Variants in GRAMD4 observed in about 807,000 individuals in gnomAD.
GRAMD4 encodes the protein GRAM domain-containing protein 4.
Under a neutral mutation model 83.9 loss-of-function variants are expected in GRAMD4, and 25 were observed. The ratio of observed to expected loss-of-function variants is 0.30; its 90% confidence interval spans 0.22 to 0.42. The LOEUF (loss-of-function observed/expected upper bound fraction) is 0.42, where lower values mean the gene tolerates loss of function less well. Among genes scored for constraint, GRAMD4 ranks in the 10% least tolerant of loss-of-function variants. The probability of loss-of-function intolerance (pLI) is 1.00; values close to 1 mark genes in which losing one functional copy is unlikely to be tolerated. For synonymous variants in GRAMD4, 336 were observed against 320.9 expected (o/e 1.05, Z -0.50); for missense variants, 593 against 788.7 (o/e 0.75, Z 2.97).
chr22:46,666,884 G>A lies in GRAMD4; in HGVS notation c.858+11G>A. 6.4e-7 allele frequency: 1 copy of A among 1,574,184 alleles called. No individual in the cohort carries two copies. On this transcript the variant is annotated intron_variant, in intron 10 of 18. Coordinates refer to ENST00000406902, the MANE Select transcript of GRAMD4 (RefSeq NM_015124.5). The stretch of plus-strand genomic sequence containing the variant: ...GTGTCTGAGCCCGTGGTAAGTCCCT[G>A]GAGGGTGCACGGTCTCCTCCGACTG...
At chr22:46,668,041 G>C in intron 10 of GRAMD4, 55 bp from the exon 11 acceptor site, 1 of 1,310,826 alleles carries the variant, frequency 7.6e-7, no homozygotes, top group Non-Finnish European at 1.1e-6. Context: ...TTTGTCAGTG[G>C]TTTTTCTGAA....
intron 3 of GRAMD4, among the ~76,000 whole-genome samples, chr22:46,656,477 T>C (rs2082246857): frequency 6.6e-6 from 1 of 152,170 alleles, no homozygotes; most frequent in Non-Finnish European, 1.5e-5. Context: ...CTCCTGGACA[T>C]TGGCTGGGAC....
chr22:46,637,767 C>T, intron 2 of GRAMD4, 73 bp from the exon 3 acceptor site: 2 of 1,562,998 alleles, frequency 1.3e-6, no homozygotes, highest in Admixed American at 1.9e-5. Flanking sequence ...CTGGGCACCT[C>T]TGGGGGAACT....
upstream of GRAMD4, among the ~76,000 whole-genome samples, chr22:46,616,623 G>C (rs2081500292): frequency 8.2e-6 from 1 of 121,806 alleles, no homozygotes; most frequent in African/African-American, 3.3e-5. Context: ...TGTGTGTGTA[G>C]GTTCCCCTGT....
intron 1 of GRAMD4, among the ~76,000 whole-genome samples, chr22:46,594,677 G>C (rs1399387095): frequency 1.3e-5 from 2 of 152,042 alleles, no homozygotes; most frequent in African/African-American, 2.4e-5. Flanking sequence ...CCTGGCATCT[G>C]TCCTGCCCTG....
intron 18 of GRAMD4, 146 bp from the exon 19 acceptor site, chr22:46,677,001 G>A (rs1012069816): frequency 1.6e-5 from 14 of 883,628 alleles, no homozygotes; most frequent in Admixed American, 5.1e-5. Flanking sequence ...GCCTGGCTCC[G>A]GGTGGTGGGG....
In GRAMD4 at chr22:46,622,077, C is replaced by T. The variant is rs907052552; in HGVS notation, c.-50+1512C>T. ...AGACTGAGGAGTAGCTGGACACTGG[C>T]GGGGCACGCATTGCATTCTGATGGT... On this transcript the variant is annotated intron_variant, in intron 1 of 18. Coordinates refer to ENST00000406902, the MANE Select transcript of GRAMD4 (RefSeq NM_015124.5). The surrounding 1 kb of genome is among the most constrained non-coding windows in gnomAD (Gnocchi z 4.0). 3.3e-5 allele frequency among the ~76,000 whole-genome samples: 5 copies of T among 152,144 alleles called. No homozygotes were observed. Among genetic ancestry groups the T allele is most frequent in the South Asian group, 2.1e-4 (1 of 4,826 alleles).
In GRAMD4 at chr22:46,659,999, C is replaced by T. The variant is rs921706459; in HGVS notation, c.405-1382C>T. Among the ~76,000 whole-genome samples, 4 of 152,222 alleles carry T rather than the reference C, an allele frequency of 2.6e-5. No homozygotes were observed. Among genetic ancestry groups the T allele is most frequent in the Non-Finnish European group, 5.9e-5 (4 of 68,024 alleles). ...CCACAGTGCCATCCCCGCCACGGGA[C>T]GCTGCTTCTCCCCCGGTGGCTAAGG... On this transcript the variant is annotated intron_variant, in intron 4 of 18. Transcript: ENST00000406902. The surrounding 1 kb of genome is among the most constrained non-coding windows in gnomAD (Gnocchi z 4.1).
At chr22:46,648,255 T>C (rs930495768) in intron 3 of GRAMD4, among the ~76,000 whole-genome samples, 3 of 150,890 alleles carry the variant, frequency 2.0e-5, no homozygotes, top group African/African-American at 7.3e-5. Flanking sequence ...AACGAATAGG[T>C]AGATTAGGTA....
At chr22:46,667,069 G>A (rs1014545555) in intron 10 of GRAMD4, among the ~76,000 whole-genome samples, 196 bp downstream of exon 10, 4 of 152,216 alleles carry the variant, frequency 2.6e-5, no homozygotes, top group African/African-American at 4.8e-5. Context: ...CTGCAAGCCC[G>A]GCCCCACATT....
intron 3 of GRAMD4, among the ~76,000 whole-genome samples, chr22:46,648,352 GGA>G: frequency 6.6e-6 from 1 of 150,652 alleles, no homozygotes; most frequent in South Asian, 2.1e-4. Context: ...ATGGATGGAT[GGA>G]TGGATGAATG....
intron 2 of GRAMD4, among the ~76,000 whole-genome samples, chr22:46,637,065 G>A (rs770259549): frequency 1.9e-4 from 29 of 152,158 alleles, no homozygotes; most frequent in Non-Finnish European, 3.7e-4. Flanking sequence ...CTGCCCGGGG[G>A]CCAGTCTCTC....
chr22:46,582,127 A>G (rs901289271), intron 1 of GRAMD4, among the ~76,000 whole-genome samples: 2 of 152,094 alleles, frequency 1.3e-5, no homozygotes, highest in African/African-American at 4.8e-5. Flanking sequence ...GGCTTCTGGG[A>G]TGCACTTTGC....
intron 1 of GRAMD4, among the ~76,000 whole-genome samples, chr22:46,578,730 G>A (rs1303554872): frequency 1.3e-5 from 2 of 152,168 alleles, no homozygotes; most frequent in African/African-American, 4.8e-5. Context: ...CCAGATGAGT[G>A]ACCTCAGTAA....
chr22:46,614,292 T>G (rs910213266), intron 1 of GRAMD4, among the ~76,000 whole-genome samples: 2 of 152,046 alleles, frequency 1.3e-5, no homozygotes, highest in Non-Finnish European at 2.9e-5. Flanking sequence ...CTGCTGCCAC[T>G]CGGGGCCTCA....
At chr22:46,602,058 G>A (rs185716452) in intron 1 of GRAMD4, among the ~76,000 whole-genome samples, 68 of 152,306 alleles carry the variant, frequency 4.5e-4, no homozygotes, top group African/African-American at 1.6e-3. Flanking sequence ...CCACGTCGGC[G>A]GTGGGCTCTC....
chr22:46,640,174 C>T (rs991961935), intron 3 of GRAMD4, among the ~76,000 whole-genome samples: 3 of 152,206 alleles, frequency 2.0e-5, no homozygotes, highest in African/African-American at 7.2e-5. Context: ...CTGAACCTCA[C>T]GAATTGCCTT....
Position 46,679,353 on chromosome 22 carries a change from C to T in GRAMD4, c.*2102C>T, listed in dbSNP as rs2146521458. Reference sequence around the variant, plus strand: ...GACCACGTGCCAGGTGTGGCCGAAGCCCCCAGGGAGGGCCACATTCGGGGA... The same window carrying T: ...GACCACGTGCCAGGTGTGGCCGAAGTCCCCAGGGAGGGCCACATTCGGGGA... On this transcript the variant is annotated 3_prime_UTR_variant, in exon 19 of 19. Coordinates refer to ENST00000406902, the MANE Select transcript of GRAMD4 (RefSeq NM_015124.5). The T allele has an allele frequency of 5.1e-6, 5 of 971,256 alleles. No homozygotes were observed. The highest frequency in any genetic ancestry group is 6.0e-6 in the Non-Finnish European group (5 of 829,250). The allele number at this position is 971,256 out of a possible 1,614,324, so 60.2% of individuals were successfully genotyped here. A position where few individuals can be genotyped will look rare whatever the true frequency, so the allele number is the denominator to read the frequency against.
chr22:46,672,505 G>A lies in GRAMD4; in HGVS notation c.1085-338G>A, dbSNP rs1039653488. On this transcript the variant is annotated intron_variant, in intron 13 of 18. Coordinates refer to ENST00000406902, the MANE Select transcript of GRAMD4 (RefSeq NM_015124.5). The surrounding 1 kb of genome is among the most constrained non-coding windows in gnomAD (Gnocchi z 4.7). ...GGCACAGTCCTGAAGTGTTTCAGGT[G>A]GGTCAAGAACAGCCCTGAGCCAGGC... 2.0e-5 allele frequency among the ~76,000 whole-genome samples: 3 copies of A among 151,918 alleles called. No homozygotes were observed. Among genetic ancestry groups the A allele is most frequent in the African/African-American group, 7.3e-5 (3 of 41,322 alleles).
Sources: allele counts gnomAD v4.1 joint callset (sites outside exome capture counted in the v4.1 genomes callset), GRCh38; gene constraint gnomAD v4.1.1; non-coding constraint Gnocchi (gnomAD v3.1); transcripts MANE v1.5; gene names NCBI Gene and HGNC (gene_info 2026-07-23, HGNC 2026-07-21).